Variants in LEKR1 observed in about 807,000 individuals in gnomAD.
The protein encoded by LEKR1 is protein LEKR1.
Under a neutral mutation model 72.4 loss-of-function variants are expected in LEKR1, and 59 were observed. The observed-to-expected ratio is 0.82, with a 90% CI of 0.66 to 1.01. The LOEUF (loss-of-function observed/expected upper bound fraction) is 1.01, where lower values mean the gene tolerates loss of function less well. Among genes scored for constraint, LEKR1 ranks in the 50% least tolerant of loss-of-function variants. LEKR1 has a pLI of 0.00. For synonymous variants in LEKR1, 257 were observed against 263.2 expected (o/e 0.98, Z 0.23); for missense variants, 728 against 759.2 (o/e 0.96, Z 0.48).
intron 3 of LEKR1, among the ~76,000 whole-genome samples, chr3:156,882,447 T>C (rs62275239): frequency 0.032 from 4,804 of 152,002 alleles, 116 homozygotes; most frequent in Non-Finnish European, 0.047. Context: ...CAAAACCACA[T>C]TGAGATACCA....
At position 157,015,371 on chromosome 3, in the gene LEKR1, A is replaced by G. The variant is rs1482864; in HGVS notation, c.1203+3865A>G. On this transcript the variant is annotated intron_variant, in intron 10 of 12. Coordinates refer to ENST00000356539, the MANE Select transcript of LEKR1 (RefSeq NM_001004316.3). Reference sequence around the variant, plus strand: ...CCAGCGACAGACAGAGCCAGAGAGAATATTGAATACTTGCACATGGCCAGT... The same window carrying G: ...CCAGCGACAGACAGAGCCAGAGAGAGTATTGAATACTTGCACATGGCCAGT... Among the ~76,000 whole-genome samples the G allele has an allele frequency of 1.6e-4, 24 of 152,314 alleles. No individual in the cohort carries two copies. In the South Asian group the frequency reaches 3.9e-3, roughly 25 times the overall value.
At chr3:156,942,305 A>G (rs1726281420) in intron 5 of LEKR1, among the ~76,000 whole-genome samples, 1 of 152,066 alleles carries the variant, frequency 6.6e-6, no homozygotes, top group African/African-American at 2.4e-5. Context: ...TAAAAAAAAT[A>G]CTGTTAAAAG....
At chr3:157,020,151 C>G (rs1010719821) in intron 10 of LEKR1, among the ~76,000 whole-genome samples, 1 of 151,978 alleles carries the variant, frequency 6.6e-6, no homozygotes, top group Non-Finnish European at 1.5e-5. Flanking sequence ...TGCTTTCTAA[C>G]TCGAGTAAAA....
intron 12 of LEKR1, among the ~76,000 whole-genome samples, chr3:157,035,263 C>T (rs749042179): frequency 1.5e-4 from 23 of 152,156 alleles, no homozygotes; most frequent in South Asian, 6.2e-4. Context: ...TCTCTGTATG[C>T]CTATGCCTCT....
At chr3:156,989,543 C>A (rs1730982866) in intron 7 of LEKR1, among the ~76,000 whole-genome samples, 1 of 152,050 alleles carries the variant, frequency 6.6e-6, no homozygotes. Context: ...AATTTGTACC[C>A]CTGCATTTCT....
intron 3 of LEKR1, among the ~76,000 whole-genome samples, chr3:156,870,193 C>T (rs186067329): frequency 6.6e-6 from 1 of 151,896 alleles, no homozygotes; most frequent in East Asian, 1.9e-4. Context: ...TTTGAACTCC[C>T]TTGGTTCCAC....
In LEKR1 at chr3:157,024,956, T is replaced by C. The variant is rs772446500; in HGVS notation, c.1368+32T>C. Reference sequence around the variant, plus strand: ...AATTATGATGTTCATCATTATTTAATAGATTTGAAACTGCAGATGTTGTAT... The same window carrying C: ...AATTATGATGTTCATCATTATTTAACAGATTTGAAACTGCAGATGTTGTAT... On this transcript the variant is annotated intron_variant, in intron 11 of 12. Coordinates refer to ENST00000356539, the MANE Select transcript of LEKR1 (RefSeq NM_001004316.3). 24 of 1,459,210 alleles carry C rather than the reference T, an allele frequency of 1.6e-5. 1 individual carries two copies. The highest frequency in any genetic ancestry group is 1.6e-4 in the South Asian group (13 of 82,306). The allele number at this position is 1,459,210 out of a possible 1,614,324, so 90.4% of individuals were successfully genotyped here. A position where few individuals can be genotyped will look rare whatever the true frequency, so the allele number is the denominator to read the frequency against.
intron 3 of LEKR1, among the ~76,000 whole-genome samples, chr3:156,901,830 G>A (rs564464023): frequency 4.6e-5 from 7 of 152,098 alleles, no homozygotes; most frequent in Non-Finnish European, 1.0e-4. Flanking sequence ...GGGACTACAG[G>A]CGCCGGCCCC....
rs983672622 is a variant in LEKR1 at position 157,012,749 on chromosome 3, G to A, written c.1203+1243G>A. On this transcript the variant is annotated intron_variant, in intron 10 of 12. Coordinates refer to ENST00000356539, the MANE Select transcript of LEKR1 (RefSeq NM_001004316.3). Reference sequence around the variant, plus strand: ...AATATGGACTAATGTTGCTATTTGTGTCTCATTCTTATTTTGTTTTATTTT... The same window carrying A: ...AATATGGACTAATGTTGCTATTTGTATCTCATTCTTATTTTGTTTTATTTT... Among the ~76,000 whole-genome samples, 8 of 151,998 alleles carry A rather than the reference G, an allele frequency of 5.3e-5. No individual in the cohort carries two copies. In the South Asian group the frequency reaches 1.5e-3, roughly 28 times the overall value.
chr3:156,983,794 C>T (rs1730439634), intron 7 of LEKR1, among the ~76,000 whole-genome samples: 1 of 152,118 alleles, frequency 6.6e-6, no homozygotes, highest in Admixed American at 6.5e-5. Context: ...GGTAGCATAC[C>T]CTGCCCCTTC....
chr3:156,980,884 C>T (rs1730139731), intron 7 of LEKR1, among the ~76,000 whole-genome samples: 2 of 152,156 alleles, frequency 1.3e-5, no homozygotes, highest in Non-Finnish European at 2.9e-5. Context: ...TGATATTTTA[C>T]AGAATAAGTT....
chr3:156,958,459 G>A (rs1350180486), intron 6 of LEKR1, among the ~76,000 whole-genome samples: 1 of 151,974 alleles, frequency 6.6e-6, no homozygotes. Context: ...CTTGTCTCTA[G>A]GGTCCATGAG....
At chr3:156,877,435 C>T (rs1718737614) in intron 3 of LEKR1, among the ~76,000 whole-genome samples, 1 of 152,020 alleles carries the variant, frequency 6.6e-6, no homozygotes, top group African/African-American at 2.4e-5. Flanking sequence ...GCTGTGAACC[C>T]ATATAGTCCT....
chr3:156,981,359 G>C (rs1394798303), intron 7 of LEKR1, among the ~76,000 whole-genome samples: 1 of 152,146 alleles, frequency 6.6e-6, no homozygotes, highest in Non-Finnish European at 1.5e-5. Context: ...AGTCAGGGTA[G>C]ACTGGAGATG....
chr3:156,859,798 A>C (rs912860447), intron 3 of LEKR1, among the ~76,000 whole-genome samples: 1 of 152,206 alleles, frequency 6.6e-6, no homozygotes, highest in Admixed American at 6.5e-5. Flanking sequence ...CCCCGTTAAC[A>C]CTTAGCAACC....
At chr3:156,896,685 T>C (rs1721218887) in intron 3 of LEKR1, among the ~76,000 whole-genome samples, 1 of 152,210 alleles carries the variant, frequency 6.6e-6, no homozygotes, top group South Asian at 2.1e-4. Context: ...AAGCCAGCAA[T>C]GCTGTTATAT....
chr3:156,882,136 A>C (rs1256233386), intron 3 of LEKR1, among the ~76,000 whole-genome samples: 10 of 149,142 alleles, frequency 6.7e-5, no homozygotes, highest in Admixed American at 2.0e-4. Flanking sequence ...GCAACAAAAG[A>C]CAAAATTGAC....
chr3:156,995,108 G>A (rs758210909), intron 9 of LEKR1, among the ~76,000 whole-genome samples: 43 of 152,162 alleles, frequency 2.8e-4, no homozygotes, highest in Admixed American at 6.5e-4. Context: ...TACTATTGGG[G>A]ATCAAAAATA....
chr3:157,008,667 A>G (rs1370743848), intron 9 of LEKR1, among the ~76,000 whole-genome samples: 1 of 152,222 alleles, frequency 6.6e-6, no homozygotes, highest in African/African-American at 2.4e-5. Flanking sequence ...ACAAAAACCT[A>G]CAGATAACTT....
Sources: gnomAD v4.1 joint callset for allele counts (sites outside exome capture counted in the v4.1 genomes callset) on GRCh38, gnomAD v4.1.1 for gene constraint, MANE v1.5 for transcripts, NCBI Gene and HGNC (gene_info 2026-07-23, HGNC 2026-07-21) for gene names.